AIFM3: variants seen among roughly 807,000 people sequenced by gnomAD.
AIFM3 encodes apoptosis-inducing factor 3.
Under a neutral mutation model 82.7 loss-of-function variants are expected in AIFM3, and 71 were observed. That is an observed-to-expected ratio of 0.86 (90% CI 0.71 to 1.05). The LOEUF is 1.05. Among genes scored for constraint, AIFM3 ranks in the 50% least tolerant of loss-of-function variants. The pLI is 0.00. For synonymous variants in AIFM3, 337 were observed against 329.1 expected, an observed-to-expected ratio of 1.02 and a Z score of -0.26; for missense variants, 748 against 816.7, an observed-to-expected ratio of 0.92 and a Z score of 1.03.
At chr22:20,971,535 G>A (rs1049858146) in intron 2 of AIFM3, among the ~76,000 whole-genome samples, 5 of 152,222 alleles carry the variant, frequency 3.3e-5, no homozygotes, top group African/African-American at 9.6e-5. Context: ...GGGTAGATAG[G>A]AAGGATGGCA....
chr22:20,974,691 C>A lies in AIFM3; in HGVS notation c.608-13C>A, dbSNP rs751281437. On this transcript the variant is annotated splice_polypyrimidine_tract_variant and intron_variant, in intron 7 of 20. Coordinates refer to ENST00000440238, the MANE Select transcript of AIFM3 (RefSeq NM_001386814.1). ...TGAGAAGTGGTTCCTGGCCCACGGG[C>A]CCCTCCCCTCAGGTGCAGCTGGCCT... is the stretch of plus-strand genomic sequence containing the variant. 11 of 1,613,772 alleles carry A rather than the reference C, an allele frequency of 6.8e-6. No individual in the cohort carries two copies. The Admixed American group carries it at 1.8e-4, about 27-fold the overall frequency.
rs369191149 is a variant in AIFM3, at chr22:20,968,873, G to A, written c.31+898G>A. Reference sequence around the variant, plus strand: ...CCCTTACCTGATACCCATCAGCTCCGTTACCTTGGAACTTGTGAGGCTTTT... The same window carrying A: ...CCCTTACCTGATACCCATCAGCTCCATTACCTTGGAACTTGTGAGGCTTTT... On this transcript the variant is annotated intron_variant, in intron 2 of 20. Transcript: ENST00000440238. 4.7e-4 allele frequency among the ~76,000 whole-genome samples: 72 copies of A among 152,200 alleles called. 1 individual carries two copies. The East Asian group carries it at 8.1e-3, about 17-fold the overall frequency.
chr22:20,981,293 G>A lies in AIFM3; in HGVS notation c.*262G>A, dbSNP rs949940010. On this transcript the variant is annotated 3_prime_UTR_variant, in exon 21 of 21. Coordinates refer to ENST00000440238, the MANE Select transcript of AIFM3 (RefSeq NM_001386814.1). Reference sequence around the variant, plus strand: ...TGCCTCTTCTCCCTCTATTGGGACTGGTCCCCTGAAGAACCCTGCAACACG... The same window carrying A: ...TGCCTCTTCTCCCTCTATTGGGACTAGTCCCCTGAAGAACCCTGCAACACG... 2.0e-5 allele frequency: 11 copies of A among 547,250 alleles called. 1 individual carries two copies. Among genetic ancestry groups the A allele is most frequent in the East Asian group, 6.3e-5 (2 of 31,984 alleles). 33.9% of individuals were successfully genotyped at this position (547,250 alleles called of 1,614,324 possible). A position where few individuals can be genotyped will look rare whatever the true frequency, so the allele number is the denominator to read the frequency against.
intron 17 of AIFM3, 77 bp from the exon 18 acceptor site, chr22:20,979,550 G>T: frequency 6.4e-7 from 1 of 1,561,914 alleles, no homozygotes; most frequent in Non-Finnish European, 8.8e-7. Flanking sequence ...GGCCTGGGCG[G>T]GGTTAGGAGG....
chr22:20,976,324 T>G lies in AIFM3; in HGVS notation c.899+18T>G. 6.2e-7 allele frequency: 1 copy of G among 1,613,834 alleles called. No homozygotes were observed. The highest frequency in any genetic ancestry group is 8.5e-7 in the Non-Finnish European group (1 of 1,180,016). On this transcript the variant is annotated intron_variant, in intron 10 of 20. Transcript: ENST00000440238. ...GGGAGCAGGTGGGAGGGTCTCCTTT[T>G]TACCCATCGGACACTAGGCAGGGCA... is the stretch of plus-strand genomic sequence containing the variant.
chr22:20,966,096 G>C (rs557808846), upstream of AIFM3, among the ~76,000 whole-genome samples: 8 of 152,300 alleles, frequency 5.3e-5, no homozygotes, highest in African/African-American at 1.9e-4. Context: ...CTCCTTCCTG[G>C]CCCAGGCCCT....
chr22:20,967,626 C>A, intron 1 of AIFM3, 179 bp from the exon 2 acceptor site: 1 of 458,874 alleles, frequency 2.2e-6, no homozygotes, highest in Non-Finnish European at 3.9e-6. Context: ...GGGAGCTGAG[C>A]TTGGAGGGCT....
rs745868220 is a variant in AIFM3, at chr22:20,976,746, G to A, written c.1126G>A (p.Val376Met). Reference protein sequence around the residue: ...TPFRRFLGERVGRALMKMFEN... With the variant: ...TPFRRFLGERMGRALMKMFEN... ...CTTCAGGAGGTTCCTGGGGGAGCGC[G>A]TGGGTCGTGCCCTCATGAAGGTGAG... The change falls in exon 12 of 21, where the codon GTG becomes ATG. Residue 376 changes from valine to methionine, a missense_variant. Val to Met is a conservative substitution (Grantham distance 21, BLOSUM62 1). Transcript: ENST00000440238. The A allele has an allele frequency of 2.9e-5, 47 of 1,611,234 alleles. No individual in the cohort carries two copies. In the Admixed American group the frequency reaches 4.5e-4, roughly 16 times the overall value.
At chr22:20,968,389 G>T (rs1313785548) in intron 2 of AIFM3, among the ~76,000 whole-genome samples, 1 of 152,090 alleles carries the variant, frequency 6.6e-6, no homozygotes, top group African/African-American at 2.4e-5. Flanking sequence ...TTTTCTCTCT[G>T]CAAAAGAGAG....
intron 20 of AIFM3, 52 bp downstream of exon 20, chr22:20,980,819 G>C (rs765943116): frequency 6.2e-7 from 1 of 1,610,272 alleles, no homozygotes. Flanking sequence ...TGTCAGCCCA[G>C]ACCCTCCACC....
rs374136982 is a variant in AIFM3 at position 20,967,956 on chromosome 22, C to T, written c.12C>T (p.Cys4=). 1.9e-6 allele frequency: 3 copies of T among 1,614,032 alleles called. No individual in the cohort carries two copies. In the African/African-American group the frequency reaches 4.0e-5, roughly 22 times the overall value. The part of the protein sequence containing the change: MGG[C]FSKPKPVELK... Reference sequence around the variant, plus strand: ...TCAGGCCACTCGCCATGGGCGGCTGCTTCTCCAAACCCAAACCAGGTACCT... The same window carrying T: ...TCAGGCCACTCGCCATGGGCGGCTGTTTCTCCAAACCCAAACCAGGTACCT... Residue 4 remains cysteine, a synonymous_variant, in exon 2 of 21, where the codon TGC becomes TGT. Coordinates refer to ENST00000440238, the MANE Select transcript of AIFM3 (RefSeq NM_001386814.1).
chr22:20,973,539 T>C lies in AIFM3; in HGVS notation c.245+19T>C. On this transcript the variant is annotated intron_variant, in intron 3 of 20. Coordinates refer to ENST00000440238, the MANE Select transcript of AIFM3 (RefSeq NM_001386814.1). ...ATGGCCAGTGGGTTCTGGGCTTGCC[T>C]GGGAGCGGGGATCAGGGGTCCCAAG... is the stretch of plus-strand genomic sequence containing the variant. The C allele has an allele frequency of 6.3e-7, 1 of 1,584,276 alleles. No individual in the cohort carries two copies.
rs763742407 is a variant in AIFM3 at position 20,974,690 on chromosome 22, G to T, written c.608-14G>T. On this transcript the variant is annotated splice_polypyrimidine_tract_variant and intron_variant, in intron 7 of 20. Transcript: ENST00000440238. ...GTGAGAAGTGGTTCCTGGCCCACGG[G>T]CCCCTCCCCTCAGGTGCAGCTGGCC... 3.1e-6 allele frequency: 5 copies of T among 1,613,920 alleles called. No individual in the cohort carries two copies. In the Admixed American group the frequency reaches 8.3e-5, roughly 27 times the overall value.
At chr22:20,974,856 G>A in intron 8 of AIFM3, 40 bp downstream of exon 8, 1 of 1,600,902 alleles carries the variant, frequency 6.2e-7, no homozygotes, top group Non-Finnish European at 8.5e-7. Flanking sequence ...ATCCCTCTGG[G>A]TCCCAGTTAA....
Position 20,975,710 on chromosome 22 carries a change from G to A in AIFM3, c.739G>A (p.Glu247Lys). The A allele has an allele frequency of 2.5e-6, 4 of 1,613,772 alleles. No homozygotes were observed. Among genetic ancestry groups the A allele is most frequent in the Non-Finnish European group, 3.4e-6 (4 of 1,180,014 alleles). ...KLSKSLDTQP[E>K]QLALRPKEFF... is the part of the protein sequence containing the mutation. ...CCTGCAGTCCCTGGACACACAGCCT[G>A]AGCAGCTGGCCCTGAGGCCCAAGGA... is the stretch of plus-strand genomic sequence containing the variant. Residue 247 changes from glutamate to lysine, a missense_variant, in exon 9 of 21, where the codon GAG becomes AAG. Glu to Lys is a moderately conservative substitution (Grantham distance 56). This residue lies in a region of AIFM3 where 393 missense variants were observed against 481.1 expected (regional missense o/e 0.82). Transcript: ENST00000440238.
At position 20,980,730 on chromosome 22, in the gene AIFM3, C is replaced by A. The variant is rs1362721368; in HGVS notation, c.1758-17C>A. The A allele has an allele frequency of 1.2e-6, 2 of 1,614,188 alleles. No homozygotes were observed. The highest frequency in any genetic ancestry group is 4.5e-5 in the East Asian group (2 of 44,880). ...TCCTTGGCCTTCTCTCCGTTTCTCT[C>A]TCTTGCCTTCGTGAAGGCTGTTTGT... On this transcript the variant is annotated splice_polypyrimidine_tract_variant and intron_variant, in intron 19 of 20. Transcript: ENST00000440238.
intron 19 of AIFM3, chr22:20,980,369 T>C: frequency 1.7e-6 from 1 of 597,304 alleles, no homozygotes; most frequent in Non-Finnish European, 3.0e-6. Flanking sequence ...GCCAGTGCTG[T>C]GGGAAGGGGT....
chr22:20,976,605 C>T (rs760738469), intron 11 of AIFM3, 46 bp from the exon 12 acceptor site: 29 of 1,612,686 alleles, frequency 1.8e-5, no homozygotes, highest in South Asian at 1.2e-4. Context: ...AAGTTCTGGT[C>T]GAGGAAGGTG....
intron 6 of AIFM3, 30 bp from the exon 7 acceptor site, chr22:20,974,495 A>G (rs770126928): frequency 6.3e-7 from 1 of 1,597,100 alleles, no homozygotes; most frequent in Non-Finnish European, 8.5e-7. Flanking sequence ...AGAGGATGGC[A>G]GTGACCCTCC....
Sources: gnomAD v4.1 joint callset for allele counts (sites outside exome capture counted in the v4.1 genomes callset) on GRCh38, gnomAD v4.1.1 for gene constraint, gnomAD v4.1.1 regional missense constraint, MANE v1.5 for transcripts, NCBI Gene and HGNC (gene_info 2026-07-23, HGNC 2026-07-21) for gene names.